The following TEC variants were observed in gnomAD, a reference collection of about 807,000 sequenced individuals.
The protein encoded by TEC is tec protein tyrosine kinase, also known as tyrosine-protein kinase Tec.
Under a neutral mutation model 93.0 loss-of-function variants are expected in TEC, and 72 were observed. The ratio of observed to expected loss-of-function variants is 0.77; its 90% CI spans 0.64 to 0.94. TEC has a LOEUF of 0.94. TEC is among the 40% of genes least tolerant of loss of function. The pLI is 0.00. For missense variants in TEC, 630 were observed against 757.9 expected, an observed-to-expected ratio of 0.83 and a Z score of 1.98; for synonymous variants, 249 against 247.7, an observed-to-expected ratio of 1.01 and a Z score of -0.05.
chr4:48,151,356 A>G (rs1720156937), intron 9 of TEC, among the ~76,000 whole-genome samples: 1 of 152,210 alleles, frequency 6.6e-6, no homozygotes, highest in Non-Finnish European at 1.5e-5. Context: ...TGTATTTGTT[A>G]TAAGCTTTGA....
chr4:48,219,049 A>T (rs1723168809), intron 2 of TEC, among the ~76,000 whole-genome samples: 1 of 152,262 alleles, frequency 6.6e-6, no homozygotes. Flanking sequence ...GTCATAATAC[A>T]AATTAGATAT....
chr4:48,190,980 G>T (rs1279150920), intron 2 of TEC, among the ~76,000 whole-genome samples: 3 of 152,172 alleles, frequency 2.0e-5, no homozygotes, highest in Non-Finnish European at 4.4e-5. Context: ...AATATTTTCA[G>T]TATTGTCTCA....
chr4:48,153,808 T>C (rs1185953819), intron 9 of TEC, among the ~76,000 whole-genome samples: 1 of 152,190 alleles, frequency 6.6e-6, no homozygotes, highest in African/African-American at 2.4e-5. Flanking sequence ...CACCCAGCCC[T>C]GCAGCAACGC....
Position 48,137,192 on chromosome 4 carries a change from A to G in TEC, c.*224T>C, listed in dbSNP as rs1388933604. 1 of 542,282 alleles carries G rather than the reference A, an allele frequency of 1.8e-6. No individual in the cohort carries two copies. Among genetic ancestry groups the G allele is most frequent in the Non-Finnish European group, 3.3e-6 (1 of 306,592 alleles). 33.6% of individuals were successfully genotyped at this position (542,282 alleles called of 1,614,324 possible). Reference sequence around the variant, plus strand: ...CTCAAGTGCCTGAGGAATGAATAGAAATGAGTGATTTTAATCACCATTTCT... The same window carrying G: ...CTCAAGTGCCTGAGGAATGAATAGAGATGAGTGATTTTAATCACCATTTCT... On this transcript the variant is annotated 3_prime_UTR_variant, in exon 18 of 18. Coordinates refer to ENST00000381501, the MANE Select transcript of TEC (RefSeq NM_003215.3).
At chr4:48,248,783 G>C (rs1203391249) in intron 1 of TEC, among the ~76,000 whole-genome samples, 1 of 152,030 alleles carries the variant, frequency 6.6e-6, no homozygotes, top group Non-Finnish European at 1.5e-5. Context: ...ACCCCTTCTG[G>C]GGTGTATACT....
At chr4:48,253,197 T>G (rs1325654479) in intron 1 of TEC, among the ~76,000 whole-genome samples, 1 of 152,196 alleles carries the variant, frequency 6.6e-6, no homozygotes, top group Non-Finnish European at 1.5e-5. Context: ...TTTTTATTCA[T>G]CAGGCAGTAA....
At chr4:48,140,905 G>A (rs755732738) in intron 15 of TEC, among the ~76,000 whole-genome samples, 4 of 151,992 alleles carry the variant, frequency 2.6e-5, no homozygotes, top group Non-Finnish European at 5.9e-5. Flanking sequence ...TCTCTATATG[G>A]TTCAGCTTAT....
intron 11 of TEC, 80 bp downstream of exon 11, chr4:48,149,477 C>G: frequency 1.5e-6 from 2 of 1,361,390 alleles, no homozygotes; most frequent in Non-Finnish European, 1.9e-6. Context: ...TAAAATAAAA[C>G]TGCTCAAGGA....
intron 1 of TEC, among the ~76,000 whole-genome samples, chr4:48,254,845 G>T (rs989636648): frequency 2.6e-5 from 4 of 151,790 alleles, no homozygotes; most frequent in African/African-American, 9.7e-5. Context: ...GGAGGTGTTG[G>T]GTGTGGCACC....
intron 1 of TEC, among the ~76,000 whole-genome samples, chr4:48,229,644 C>T (rs1267249330): frequency 3.9e-5 from 6 of 152,034 alleles, no homozygotes; most frequent in South Asian, 2.1e-4. Flanking sequence ...GGCATGGTGG[C>T]GCATGCCTGT....
intron 2 of TEC, among the ~76,000 whole-genome samples, chr4:48,198,639 C>T (rs11727072): frequency 0.093 from 14,164 of 152,248 alleles, 726 homozygotes; most frequent in South Asian, 0.16. Context: ...CTCCCACGTA[C>T]ATGTAAAAAT....
intron 1 of TEC, among the ~76,000 whole-genome samples, chr4:48,249,365 T>C (rs935339750): frequency 1.3e-5 from 2 of 152,260 alleles, no homozygotes; most frequent in African/African-American, 4.8e-5. Context: ...CCTTGGTCTG[T>C]ATCTGTTAAA....
At chr4:48,216,582 GA>G (rs1723089095) in intron 2 of TEC, among the ~76,000 whole-genome samples, 1 of 152,124 alleles carries the variant, frequency 6.6e-6, no homozygotes, top group Non-Finnish European at 1.5e-5. Context: ...GGTAGGAGAA[GA>G]GGGGTGGGTA....
Position 48,137,183 on chromosome 4 carries a change from A to G in TEC, c.*233T>C, listed in dbSNP as rs1719460237. On this transcript the variant is annotated 3_prime_UTR_variant, in exon 18 of 18. Coordinates refer to ENST00000381501, the MANE Select transcript of TEC (RefSeq NM_003215.3). ...CAACTGTCACTCAAGTGCCTGAGGA[A>G]TGAATAGAAATGAGTGATTTTAATC... is the stretch of plus-strand genomic sequence containing the variant. The G allele has an allele frequency of 2.0e-6, 1 of 511,268 alleles. No individual in the cohort carries two copies. Among genetic ancestry groups the G allele is most frequent in the African/African-American group, 2.0e-5 (1 of 50,900 alleles). The allele number at this position is 511,268 out of a possible 1,614,324, so 31.7% of individuals were successfully genotyped here.
chr4:48,141,570 G>A (rs756516446), intron 14 of TEC, 151 bp from the exon 15 acceptor site: 235 of 633,912 alleles, frequency 3.7e-4, no homozygotes, highest in Non-Finnish European at 5.4e-4. Flanking sequence ...TTACCCCTAT[G>A]GAAGTATTTC....
chr4:48,219,410 G>A (rs916449736), intron 2 of TEC, among the ~76,000 whole-genome samples: 5 of 152,218 alleles, frequency 3.3e-5, no homozygotes, highest in African/African-American at 1.2e-4. Flanking sequence ...AGGCCTGCCT[G>A]CAGTCATCCG....
chr4:48,213,435 C>T (rs1722975691), intron 2 of TEC, among the ~76,000 whole-genome samples: 1 of 152,200 alleles, frequency 6.6e-6, no homozygotes, highest in South Asian at 2.1e-4. Flanking sequence ...AAGTAGTAAT[C>T]AGTGAACATT....
At chr4:48,201,294 C>A (rs1395728406) in intron 2 of TEC, among the ~76,000 whole-genome samples, 1 of 152,128 alleles carries the variant, frequency 6.6e-6, no homozygotes, top group Admixed American at 6.5e-5. Context: ...TCTTTTCAGA[C>A]ATTTGAATTT....
Position 48,240,589 on chromosome 4 carries a change from T to C in TEC, c.-45-11930A>G, listed in dbSNP as rs139893748. On this transcript the variant is annotated intron_variant, in intron 1 of 17. Transcript: ENST00000381501. ...ATAAAACCACAGTCTAATGCAACAGTTGAACTCATTATAACTCCTCTCTTC... is the reference window on the plus strand; with the variant it reads ...ATAAAACCACAGTCTAATGCAACAGCTGAACTCATTATAACTCCTCTCTTC... 1.4e-3 allele frequency among the ~76,000 whole-genome samples: 206 copies of C among 152,240 alleles called. 1 individual carries two copies. Among genetic ancestry groups the C allele is most frequent in the Middle Eastern group, 0.01 (3 of 294 alleles).
Sources: gnomAD v4.1 joint callset for allele counts (sites outside exome capture counted in the v4.1 genomes callset) on GRCh38, gnomAD v4.1.1 for gene constraint, MANE v1.5 for transcripts, NCBI Gene and HGNC (gene_info 2026-07-23, HGNC 2026-07-21) for gene names.